Variants in FAM227A observed in about 807,000 individuals in gnomAD.
FAM227A encodes family with sequence similarity 227 member A, also known as protein FAM227A.
A neutral mutation model predicts 74.7 loss-of-function variants in FAM227A; 80 were observed. The ratio of observed to expected loss-of-function variants is 1.07; its 90% CI spans 0.89 to 1.29. The LOEUF is 1.29. FAM227A is among the 50% of genes most tolerant of loss of function. The probability of loss-of-function intolerance (pLI) is 0.00; values close to 1 mark genes in which losing one functional copy is unlikely to be tolerated. For missense variants in FAM227A, 654 were observed against 683.4 expected, an observed-to-expected ratio of 0.96 and a Z score of 0.48; for synonymous variants, 237 against 241.8, an observed-to-expected ratio of 0.98 and a Z score of 0.19.
rs537721448 is a variant in FAM227A, at chr22:38,588,160, T to A, written c.1639-1961A>T. The stretch of plus-strand genomic sequence containing the variant: ...AGGACCAGGGACAGGACAAAATGCC[T>A]CCTTTCATGGCTGGTATTCCACTTT... On this transcript the variant is annotated intron_variant, in intron 16 of 16. Transcript: ENST00000535113. Among the ~76,000 whole-genome samples, 3 of 152,254 alleles carry A rather than the reference T, an allele frequency of 2.0e-5. No individual in the cohort carries two copies. The South Asian group carries it at 6.2e-4, about 32-fold the overall frequency.
intron 6 of FAM227A, among the ~76,000 whole-genome samples, chr22:38,631,185 C>CA (rs573786155): frequency 3.9e-5 from 6 of 152,042 alleles, no homozygotes; most frequent in African/African-American, 1.4e-4. Flanking sequence ...CAAAACAAAA[C>CA]AAAAACTGGA....
chr22:38,628,757 C>T (rs1170103051), intron 7 of FAM227A, 77 bp downstream of exon 7: 2 of 891,210 alleles, frequency 2.2e-6, no homozygotes, highest in Non-Finnish European at 3.6e-6. Flanking sequence ...GCTTGTAGCT[C>T]ATGTCAAAGA....
intron 14 of FAM227A, among the ~76,000 whole-genome samples, chr22:38,599,099 C>G (rs1199455629): frequency 6.6e-6 from 1 of 151,872 alleles, no homozygotes; most frequent in Non-Finnish European, 1.5e-5. Flanking sequence ...TGCGATTATA[C>G]AGGCACGCAC....
chr22:38,651,712 T>C (rs1368668549), intron 1 of FAM227A, among the ~76,000 whole-genome samples: 2 of 152,090 alleles, frequency 1.3e-5, no homozygotes, highest in African/African-American at 2.4e-5. Context: ...CATGGTAAGT[T>C]TTTACTGCCA....
intron 13 of FAM227A, among the ~76,000 whole-genome samples, chr22:38,603,827 C>G (rs868432331): frequency 1.3e-5 from 2 of 151,918 alleles, no homozygotes; most frequent in Admixed American, 6.6e-5. Context: ...TAGAGTGACC[C>G]CTGGTGATAC....
chr22:38,655,117 G>A (rs2092374184), intron 1 of FAM227A, among the ~76,000 whole-genome samples: 1 of 151,132 alleles, frequency 6.6e-6, no homozygotes, highest in Admixed American at 6.6e-5. Context: ...TCCAGCCTGG[G>A]CGACAGAGCG....
chr22:38,590,241 C>A (rs2090902398), intron 16 of FAM227A, among the ~76,000 whole-genome samples: 1 of 139,518 alleles, frequency 7.2e-6, no homozygotes. Flanking sequence ...GATTGTGCCA[C>A]TGCACTCCAG....
chr22:38,580,179 T>G lies in FAM227A; in HGVS notation c.*5946A>C, dbSNP rs2090694702. 1 of 152,226 alleles carries G rather than the reference T, an allele frequency of 6.6e-6. No individual in the cohort carries two copies. Among genetic ancestry groups the G allele is most frequent in the African/African-American group, 2.4e-5 (1 of 41,436 alleles). 9.4% of individuals were successfully genotyped at this position (152,226 alleles called of 1,614,324 possible). A position where few individuals can be genotyped will look rare whatever the true frequency, so the allele number is the denominator to read the frequency against. ...TAGGGGTTCTTCCACCTTGGCCTCC[T>G]AAAGTGCTGGGATTACAGGCATGGG... On this transcript the variant is annotated 3_prime_UTR_variant, in exon 17 of 17. Coordinates refer to ENST00000535113, the MANE Select transcript of FAM227A (RefSeq NM_001013647.2).
chr22:38,588,480 G>A (rs138961759), intron 16 of FAM227A, among the ~76,000 whole-genome samples: 1,755 of 151,348 alleles, frequency 0.012, 41 homozygotes, highest in African/African-American at 0.04. Context: ...TTAGCCGGGC[G>A]TGGTGGTGCA....
At position 38,646,431 on chromosome 22, in the gene FAM227A, T is replaced by A. The variant is rs376331065; in HGVS notation, c.143-786A>T. On this transcript the variant is annotated intron_variant, in intron 2 of 16. Transcript: ENST00000535113. ...CCCGCCACTACGCCCGGCTAATTTTTTTTTGTATTTTTAGTAGAGACGGGG... is the reference window on the plus strand; with the variant it reads ...CCCGCCACTACGCCCGGCTAATTTTATTTTGTATTTTTAGTAGAGACGGGG... 6.0e-5 allele frequency among the ~76,000 whole-genome samples: 9 copies of A among 150,318 alleles called. 1 individual carries two copies. The highest frequency in any genetic ancestry group is 2.2e-4 in the African/African-American group (9 of 40,932).
chr22:38,646,293 T>G (rs1230324568), intron 2 of FAM227A, among the ~76,000 whole-genome samples: 1 of 119,482 alleles, frequency 8.4e-6, no homozygotes, highest in East Asian at 2.7e-4. Context: ...GGAGTCTCGC[T>G]CTGTCGCCCA....
chr22:38,636,589 T>G lies in FAM227A; in HGVS notation c.381A>C (p.Ala127=), dbSNP rs2092011572. Residue 127 remains alanine, a synonymous_variant, in exon 6 of 17, where the codon GCA becomes GCC. Coordinates refer to ENST00000535113, the MANE Select transcript of FAM227A (RefSeq NM_001013647.2). ...ARSSVIKRKT[A]DKNLLAELYQ... The stretch of plus-strand genomic sequence containing the variant: ...ACAGCTCTGCCAGCAGATTTTTATC[T>G]GCTGTTTTCTGAAGCAAAAGAGCAG... The G allele has an allele frequency of 1.9e-6, 3 of 1,550,824 alleles. No individual in the cohort carries two copies. Among genetic ancestry groups the G allele is most frequent in the African/African-American group, 2.7e-5 (2 of 72,990 alleles).
intron 10 of FAM227A, among the ~76,000 whole-genome samples, 181 bp from the exon 11 acceptor site, chr22:38,620,472 T>C (rs1339346112): frequency 6.6e-6 from 1 of 152,122 alleles, no homozygotes; most frequent in East Asian, 1.9e-4. Flanking sequence ...CTGTGAACAC[T>C]ATCTCCCTCT....
At chr22:38,608,073 G>A (rs982446447) in intron 11 of FAM227A, among the ~76,000 whole-genome samples, 1 of 146,850 alleles carries the variant, frequency 6.8e-6, no homozygotes. Context: ...GAATGTGACA[G>A]AGACTCAAAA....
chr22:38,583,133 C>G lies in FAM227A; in HGVS notation c.*2992G>C. 1.7e-6 allele frequency: 1 copy of G among 581,250 alleles called. No homozygotes were observed. Among genetic ancestry groups the G allele is most frequent in the Non-Finnish European group, 3.0e-6 (1 of 338,128 alleles). The allele number at this position is 581,250 out of a possible 1,614,324, so 36.0% of individuals were successfully genotyped here. ...TCTGCCCCACATGGTGCCTTGTACT[C>G]GGCAGGTGCTCACACGTTCTGGTTT... On this transcript the variant is annotated 3_prime_UTR_variant, in exon 17 of 17. Coordinates refer to ENST00000535113, the MANE Select transcript of FAM227A (RefSeq NM_001013647.2).
At position 38,645,573 on chromosome 22, in the gene FAM227A, G is replaced by C. The variant is rs1238204373; in HGVS notation, c.215C>G (p.Ala72Gly). ...ADINLRTEPS[A>G]NSLAIERFEL... ...GCATAGGTAACTCACCAGGCTGTTG[G>C]CCGACGGCTCGGTACGCAGATTTAT... Residue 72 changes from alanine (A) to glycine (G), a missense_variant, in exon 3 of 17, where the codon GCC becomes GGC. By Grantham distance (60) the Ala-to-Gly change is moderately conservative. Transcript: ENST00000535113. The C allele has an allele frequency of 6.4e-7, 1 of 1,551,042 alleles. No individual in the cohort carries two copies. Among genetic ancestry groups the C allele is most frequent in the Non-Finnish European group, 8.7e-7 (1 of 1,146,666 alleles).
At chr22:38,597,514 G>C in intron 14 of FAM227A, 158 bp from the exon 15 acceptor site, 3 of 770,482 alleles carry the variant, frequency 3.9e-6, no homozygotes, top group Non-Finnish European at 4.4e-6. Context: ...CTGAGCAAGA[G>C]ATGACTCTCC....
intron 15 of FAM227A, among the ~76,000 whole-genome samples, chr22:38,596,436 C>T (rs893650311): frequency 3.3e-5 from 5 of 152,208 alleles, no homozygotes; most frequent in Admixed American, 6.5e-5. Context: ...CCCAGCACTC[C>T]AGAGGAGGCT....
chr22:38,656,175 C>G lies in FAM227A; in HGVS notation c.-150G>C, dbSNP rs1159574825. 2 of 152,308 alleles carry G rather than the reference C, an allele frequency of 1.3e-5. No homozygotes were observed. Among genetic ancestry groups the G allele is most frequent in the Non-Finnish European group, 2.9e-5 (2 of 68,122 alleles). 9.4% of individuals were successfully genotyped at this position (152,308 alleles called of 1,614,324 possible). ...GGGGCCGGTCCCGCCACGGGTCCCTCAGGGGACCCCGCAAAGTTCTGGGTC... is the reference window on the plus strand; with the variant it reads ...GGGGCCGGTCCCGCCACGGGTCCCTGAGGGGACCCCGCAAAGTTCTGGGTC... On this transcript the variant is annotated 5_prime_UTR_variant, in exon 1 of 17. Coordinates refer to ENST00000535113, the MANE Select transcript of FAM227A (RefSeq NM_001013647.2).
Sources: gnomAD v4.1 joint callset for allele counts (sites outside exome capture counted in the v4.1 genomes callset) on GRCh38, gnomAD v4.1.1 for gene constraint, MANE v1.5 for transcripts, NCBI Gene and HGNC (gene_info 2026-07-23, HGNC 2026-07-21) for gene names.